MAGI2: variants seen among roughly 807,000 people sequenced by gnomAD.
The protein encoded by MAGI2 is membrane-associated guanylate kinase, WW and PDZ domain-containing protein 2.
In MAGI2, 35 loss-of-function variants were observed where a neutral mutation model predicts 133.3. The observed-to-expected ratio is 0.26, with a 90% CI of 0.20 to 0.35. MAGI2 has a LOEUF of 0.35. MAGI2 is among the 10% of genes least tolerant of loss of function. The pLI, the probability that MAGI2 is intolerant of heterozygous loss-of-function variation, is 1.00. For missense variants in MAGI2, 1,636 were observed against 1,863.4 expected (o/e 0.88, Z 2.25); for synonymous variants, 729 against 710.6 (o/e 1.03, Z -0.41).
intron 1 of MAGI2, among the ~76,000 whole-genome samples, chr7:79,049,451 G>A (rs1338585709): frequency 6.6e-6 from 1 of 152,086 alleles, no homozygotes; most frequent in African/African-American, 2.4e-5. Context: ...AAATGAGGCT[G>A]AGAAGTTATA....
chr7:79,209,815 T>C (rs1387102073), intron 1 of MAGI2, among the ~76,000 whole-genome samples: 1 of 152,120 alleles, frequency 6.6e-6, no homozygotes, highest in African/African-American at 2.4e-5. Flanking sequence ...ATCTCCTCTA[T>C]AAGACTGTTA....
chr7:78,472,081 T>C (rs557634014), intron 6 of MAGI2, among the ~76,000 whole-genome samples: 1 of 152,234 alleles, frequency 6.6e-6, no homozygotes, highest in South Asian at 2.1e-4. Flanking sequence ...CTCTCTGTAG[T>C]CACATGGCTG....
chr7:78,294,139 T>C (rs1052569374), intron 9 of MAGI2, among the ~76,000 whole-genome samples: 10 of 152,158 alleles, frequency 6.6e-5, no homozygotes, highest in African/African-American at 2.2e-4. Flanking sequence ...TTGTAAATAT[T>C]TCAATATCAT....
At chr7:78,600,919 A>G (rs917264946) in intron 3 of MAGI2, among the ~76,000 whole-genome samples, 2 of 152,208 alleles carry the variant, frequency 1.3e-5, no homozygotes, top group African/African-American at 4.8e-5. Flanking sequence ...GATTGCCTCA[A>G]AGGAGAATGT....
intron 9 of MAGI2, among the ~76,000 whole-genome samples, chr7:78,285,974 G>T (rs1026785352): frequency 5.3e-5 from 8 of 152,278 alleles, no homozygotes; most frequent in African/African-American, 1.9e-4. Flanking sequence ...ATATTTTAAA[G>T]ATCCCTAAAT....
chr7:78,421,964 A>G (rs1041353310), intron 6 of MAGI2, among the ~76,000 whole-genome samples: 1 of 152,230 alleles, frequency 6.6e-6, no homozygotes, highest in South Asian at 2.1e-4. Context: ...GCAAGGATAT[A>G]TCAATACAAA....
chr7:78,383,686 C>T (rs1795128180), intron 6 of MAGI2, among the ~76,000 whole-genome samples: 1 of 151,904 alleles, frequency 6.6e-6, no homozygotes, highest in Non-Finnish European at 1.5e-5. Flanking sequence ...GACCAGTGTC[C>T]AAGAGAGTTT....
At chr7:78,725,595 G>C (rs1222340287) in intron 2 of MAGI2, among the ~76,000 whole-genome samples, 1 of 152,188 alleles carries the variant, frequency 6.6e-6, no homozygotes, top group Non-Finnish European at 1.5e-5. Context: ...TCAGGAGATA[G>C]AGACCATCCT....
intron 9 of MAGI2, among the ~76,000 whole-genome samples, chr7:78,323,703 T>C (rs1041325907): frequency 3.0e-4 from 45 of 152,234 alleles, no homozygotes; most frequent in African/African-American, 1.1e-3. Flanking sequence ...TCAAGTGAAA[T>C]CTTCTTGTAA....
chr7:78,378,897 G>A (rs1794682786), intron 6 of MAGI2, among the ~76,000 whole-genome samples: 1 of 151,942 alleles, frequency 6.6e-6, no homozygotes, highest in African/African-American at 2.4e-5. Context: ...TAAAAAGAGA[G>A]GAGAGGGAAA....
intron 5 of MAGI2, among the ~76,000 whole-genome samples, chr7:78,494,148 T>A (rs953035686): frequency 1.3e-5 from 2 of 151,912 alleles, no homozygotes; most frequent in African/African-American, 4.8e-5. Context: ...ACCTGACTAA[T>A]TTTTTGTATT....
chr7:79,098,846 G>C (rs1817730143), intron 1 of MAGI2, among the ~76,000 whole-genome samples: 1 of 152,186 alleles, frequency 6.6e-6, no homozygotes, highest in Admixed American at 6.5e-5. Context: ...AGAGAGAAAG[G>C]GGAGGGTTAT....
At chr7:78,687,800 C>T (rs910104831) in intron 2 of MAGI2, among the ~76,000 whole-genome samples, 1 of 151,498 alleles carries the variant, frequency 6.6e-6, no homozygotes, top group African/African-American at 2.4e-5. Flanking sequence ...GAAACCCCTT[C>T]TCTACTAAAA....
At chr7:78,645,123 T>TGTGTGTGTATGTCA (rs1246610641) in intron 2 of MAGI2, among the ~76,000 whole-genome samples, 5 of 152,144 alleles carry the variant, frequency 3.3e-5, no homozygotes, top group Admixed American at 2.6e-4. Flanking sequence ...TGTGTGTGTG[T>TGTGTGTGTATGTCA]GTGTGTGTAT....
chr7:79,354,928 G>A (rs550946737), intron 1 of MAGI2, among the ~76,000 whole-genome samples: 1 of 152,114 alleles, frequency 6.6e-6, no homozygotes, highest in African/African-American at 2.4e-5. Flanking sequence ...GACCCAATAG[G>A]TGTAAGCCCC....
intron 3 of MAGI2, among the ~76,000 whole-genome samples, chr7:78,542,857 C>T (rs1025094052): frequency 6.6e-6 from 1 of 152,164 alleles, no homozygotes; most frequent in African/African-American, 2.4e-5. Context: ...AAATGACTTC[C>T]TTCTTGTTAC....
chr7:78,845,311 G>T (rs1792496956), intron 2 of MAGI2, among the ~76,000 whole-genome samples: 1 of 151,778 alleles, frequency 6.6e-6, no homozygotes, highest in Admixed American at 6.6e-5. Flanking sequence ...TGGTTACTCT[G>T]GGTCAGAATA....
At chr7:79,018,865 G>A (rs1467249622) in intron 1 of MAGI2, among the ~76,000 whole-genome samples, 1 of 152,118 alleles carries the variant, frequency 6.6e-6, no homozygotes, top group East Asian at 1.9e-4. Context: ...TACACACAGA[G>A]CACAGAAGCA....
At chr7:78,363,736 T>C (rs989777865) in intron 7 of MAGI2, among the ~76,000 whole-genome samples, 2 of 152,062 alleles carry the variant, frequency 1.3e-5, no homozygotes, top group African/African-American at 4.8e-5. Context: ...TTACTAACAT[T>C]TATTGAACAG....
Sources: gnomAD v4.1 joint callset for allele counts (sites outside exome capture counted in the v4.1 genomes callset) on GRCh38, gnomAD v4.1.1 for gene constraint, MANE v1.5 for transcripts, NCBI Gene and HGNC (gene_info 2026-07-23, HGNC 2026-07-21) for gene names.